The following OSBPL8 variants were observed in gnomAD, a reference collection of about 807,000 sequenced individuals.
OSBPL8 encodes oxysterol binding protein like 8.
A neutral mutation model predicts 125.5 loss-of-function variants in OSBPL8; 59 were observed. The observed-to-expected ratio is 0.47, with a 90% CI of 0.38 to 0.58. OSBPL8 has a LOEUF of 0.58. OSBPL8 is among the 20% of genes least tolerant of loss of function. The pLI, the probability that OSBPL8 is intolerant of heterozygous loss-of-function variation, is 0.00. For synonymous variants in OSBPL8, 330 were observed against 338.9 expected (o/e 0.97, Z 0.29); for missense variants, 758 against 1,047.8 (o/e 0.72, Z 3.82).
intron 3 of OSBPL8, among the ~76,000 whole-genome samples, chr12:76,457,438 C>A (rs1228041067): frequency 6.6e-6 from 1 of 152,038 alleles, no homozygotes; most frequent in Non-Finnish European, 1.5e-5. Flanking sequence ...TCATGATATA[C>A]CTAACCTTTC....
intron 1 of OSBPL8, among the ~76,000 whole-genome samples, chr12:76,509,317 T>C (rs1021767198): frequency 5.3e-5 from 8 of 152,300 alleles, no homozygotes; most frequent in African/African-American, 1.9e-4. Flanking sequence ...CAAAATTGCC[T>C]AACGATACAT....
chr12:76,420,103 T>C (rs777955211), intron 4 of OSBPL8, among the ~76,000 whole-genome samples: 2 of 152,100 alleles, frequency 1.3e-5, no homozygotes, highest in East Asian at 1.9e-4. Flanking sequence ...TACTGTGATA[T>C]AATAAAGCAA....
At chr12:76,424,671 G>A (rs959884936) in intron 4 of OSBPL8, among the ~76,000 whole-genome samples, 13 of 152,090 alleles carry the variant, frequency 8.5e-5, no homozygotes, top group Admixed American at 7.2e-4. Context: ...GTTTTCTCAC[G>A]TATACAATGC....
At chr12:76,457,767 TA>T (rs150437550) in intron 3 of OSBPL8, among the ~76,000 whole-genome samples, 1 of 152,054 alleles carries the variant, frequency 6.6e-6, no homozygotes, top group Non-Finnish European at 1.5e-5. Flanking sequence ...CTATTCGAAG[TA>T]AAAAAGATCT....
intron 1 of OSBPL8, among the ~76,000 whole-genome samples, chr12:76,514,061 T>C (rs1163490320): frequency 2.0e-5 from 3 of 152,148 alleles, no homozygotes; most frequent in Non-Finnish European, 4.4e-5. Flanking sequence ...TAGTGGTCTT[T>C]CCTTTCTATA....
chr12:76,440,936 T>C (rs1335631342), intron 4 of OSBPL8, among the ~76,000 whole-genome samples: 1 of 152,172 alleles, frequency 6.6e-6, no homozygotes, highest in Non-Finnish European at 1.5e-5. Context: ...TTACTGACAA[T>C]TCACATTGTA....
intron 18 of OSBPL8, 23 bp downstream of exon 18, chr12:76,373,321 A>G: frequency 7.0e-7 from 1 of 1,424,620 alleles, no homozygotes; most frequent in Non-Finnish European, 9.6e-7. Context: ...TCTTTTTGTA[A>G]AGCTCATATA....
intron 1 of OSBPL8, among the ~76,000 whole-genome samples, chr12:76,508,843 C>T (rs1592816007): frequency 6.6e-6 from 1 of 152,218 alleles, no homozygotes; most frequent in African/African-American, 2.4e-5. Flanking sequence ...GAATTACCCA[C>T]CCCTTTCCCA....
intron 2 of OSBPL8, among the ~76,000 whole-genome samples, chr12:76,471,025 T>C (rs1876072689): frequency 6.6e-6 from 1 of 152,146 alleles, no homozygotes; most frequent in African/African-American, 2.4e-5. Context: ...AGGTGTAATA[T>C]AGATGAGTTT....
At chr12:76,516,730 A>C (rs1881570383) in intron 1 of OSBPL8, among the ~76,000 whole-genome samples, 1 of 152,190 alleles carries the variant, frequency 6.6e-6, no homozygotes, top group Admixed American at 6.5e-5. Flanking sequence ...ATAACCAATA[A>C]TATGGTTGAT....
chr12:76,410,540 A>ATATTC, intron 5 of OSBPL8, 24 bp downstream of exon 5: 1 of 1,503,034 alleles, frequency 6.7e-7, no homozygotes, highest in Non-Finnish European at 9.2e-7. Flanking sequence ...TGTCATAATC[A>ATATTC]TGTATTTGCT....
chr12:76,402,269 T>A (rs1350101986), intron 6 of OSBPL8, among the ~76,000 whole-genome samples: 1 of 152,196 alleles, frequency 6.6e-6, no homozygotes. Context: ...AATCTGGACT[T>A]TTAATTAACT....
chr12:76,532,692 C>T (rs536031875), intron 1 of OSBPL8, among the ~76,000 whole-genome samples: 18 of 151,650 alleles, frequency 1.2e-4, no homozygotes, highest in Non-Finnish European at 1.6e-4. Flanking sequence ...TGGTACTCCA[C>T]GCTCTCCTAG....
intron 4 of OSBPL8, among the ~76,000 whole-genome samples, chr12:76,415,017 G>A (rs1224005981): frequency 6.6e-6 from 1 of 152,114 alleles, no homozygotes; most frequent in East Asian, 1.9e-4. Flanking sequence ...ATTAAGGAGT[G>A]TTGTAATCCA....
rs1013245569 is a variant in OSBPL8, at chr12:76,450,829, C to T, written c.217+22G>A. The T allele has an allele frequency of 1.8e-5, 28 of 1,581,908 alleles. No individual in the cohort carries two copies. The African/African-American group carries it at 2.7e-4, about 15-fold the overall frequency. On this transcript the variant is annotated intron_variant, in intron 4 of 23. Transcript: ENST00000261183. ...AAACAAAAACAAAAACAAGACAAAA[C>T]ATGAAAACCACAACTTCCTACCCTG...
chr12:76,447,743 C>T (rs1353432186), intron 4 of OSBPL8, among the ~76,000 whole-genome samples: 1 of 152,158 alleles, frequency 6.6e-6, no homozygotes, highest in Non-Finnish European at 1.5e-5. Context: ...GATGGGGTTT[C>T]ACCATGTTGG....
chr12:76,382,920 G>A (rs1953125535), intron 15 of OSBPL8, among the ~76,000 whole-genome samples: 1 of 152,062 alleles, frequency 6.6e-6, no homozygotes, highest in Admixed American at 6.6e-5. Flanking sequence ...TCTCTTCCAG[G>A]GCTGTGTACT....
At chr12:76,546,277 C>A (rs549799225) in intron 1 of OSBPL8, among the ~76,000 whole-genome samples, 44 of 152,256 alleles carry the variant, frequency 2.9e-4, no homozygotes, top group African/African-American at 1.1e-3. Flanking sequence ...TAAACAAAAT[C>A]TTGCTAGTTA....
intron 4 of OSBPL8, among the ~76,000 whole-genome samples, chr12:76,428,326 G>A (rs1021013965): frequency 6.6e-6 from 1 of 151,910 alleles, no homozygotes; most frequent in Non-Finnish European, 1.5e-5. Flanking sequence ...TCAGACTGGG[G>A]AAGATAGCTC....
Sources: allele counts gnomAD v4.1 joint callset (sites outside exome capture counted in the v4.1 genomes callset), GRCh38; gene constraint gnomAD v4.1.1; transcripts MANE v1.5; gene names NCBI Gene and HGNC (gene_info 2026-07-23, HGNC 2026-07-21).